CLEC12A: variants seen among roughly 807,000 people sequenced by gnomAD.
CLEC12A encodes C-type lectin protein CLL-1.
CLEC12A carries 22 observed loss-of-function variants against 26.5 expected under a neutral mutation model. The observed-to-expected ratio is 0.83, with a 90% CI of 0.59 to 1.19. The LOEUF is 1.19. Ranked by LOEUF, CLEC12A falls within the 50% of genes most tolerant of loss-of-function variation. The pLI is 0.00. For synonymous variants in CLEC12A, 119 were observed against 101.9 expected (o/e 1.17, Z -1.01); for missense variants, 353 against 315.6 (o/e 1.12, Z -0.90).
chr12:10,001,523 C>T, the CLEC12A span, among the ~76,000 whole-genome samples: 3 of 152,292 alleles, frequency 2.0e-5, no homozygotes, highest in African/African-American at 7.2e-5. Flanking sequence ...TGTGTATCCC[C>T]CCTCACATGA....
chr12:9,979,666 A>C (rs1435383108), intron 3 of CLEC12A, 142 bp downstream of exon 3: 1 of 639,900 alleles, frequency 1.6e-6, no homozygotes, highest in Non-Finnish European at 2.5e-6. Flanking sequence ...GTTGATGGAG[A>C]ATTCATTGAT....
At position 9,961,845 on chromosome 12, in the gene CLEC12A, CA is replaced by C. The variant is rs1236403618; in HGVS notation, c.11-9731del. 2.0e-5 allele frequency among the ~76,000 whole-genome samples: 3 copies of C among 152,282 alleles called. No individual in the cohort carries two copies. The South Asian group carries it at 6.2e-4, about 32-fold the overall frequency. ...TGATTTCAATAAATCTACTCTTCAC[CA>C]TTCTAATCCCTTTGCAGTGCCCTAG... On this transcript the variant is annotated intron_variant, in intron 1 of 6. Coordinates refer to the CLEC12A transcript ENST00000355690.
intron 1 of CLEC12A, among the ~76,000 whole-genome samples, chr12:9,964,037 A>G (rs1863884756): frequency 6.6e-6 from 1 of 152,226 alleles, no homozygotes; most frequent in African/African-American, 2.4e-5. Flanking sequence ...ACCCAGGGGA[A>G]TTCCAGTGGG....
downstream of CLEC12A, chr12:9,997,334 C>CAA: frequency 6.7e-7 from 1 of 1,497,756 alleles, no homozygotes. Context: ...AGAAATGATG[C>CAA]AAAGGTCTGT....
chr12:9,965,228 C>T (rs959216016), intron 1 of CLEC12A, among the ~76,000 whole-genome samples: 1 of 152,048 alleles, frequency 6.6e-6, no homozygotes, highest in East Asian at 1.9e-4. Context: ...AGGGTGCGGT[C>T]CCAGCTCTTG....
chr12:9,951,493 C>T (rs773925192), intron 1 of CLEC12A: 4 of 671,200 alleles, frequency 6.0e-6, no homozygotes, highest in East Asian at 2.7e-5. Context: ...AGTTCAGACA[C>T]TCTTGGGGCT....
downstream of CLEC12A, among the ~76,000 whole-genome samples, chr12:9,987,839 G>A (rs923967903): frequency 5.3e-5 from 8 of 150,462 alleles, no homozygotes; most frequent in East Asian, 1.9e-4. Context: ...ACAGAGTCTC[G>A]CTCTTGTCAC....
rs76568623 is a variant in CLEC12A at position 9,979,476 on chromosome 12, C to A, written c.331C>A (p.Gln111Lys). The A allele has an allele frequency of 6.2e-7, 1 of 1,613,328 alleles. No homozygotes were observed. The highest frequency in any genetic ancestry group is 2.2e-5 in the East Asian group (1 of 44,840). The change falls in exon 3 of 6, where the codon CAA (glutamine) becomes AAA (lysine). Residue 111 changes from glutamine to lysine, a missense_variant. Coordinates refer to ENST00000304361, the MANE Select transcript of CLEC12A (RefSeq NM_138337.6). Reference sequence around the variant, plus strand: ...GATCAGGAACCTCTCCACCACACTGCAAACAATAGCCACCAAATTATGTCG... The same window carrying A: ...GATCAGGAACCTCTCCACCACACTGAAAACAATAGCCACCAAATTATGTCG... ...NKIRNLSTTL[Q>K]TIATKLCREL... is the part of the protein sequence containing the mutation.
chr12:9,979,103 AG>A, intron 2 of CLEC12A, 39 bp downstream of exon 2: 6 of 1,493,110 alleles, frequency 4.0e-6, no homozygotes, highest in Non-Finnish European at 4.7e-6. Context: ...GGAAGTATCT[AG>A]AATTTCAAAT....
chr12:9,955,544 G>A (rs1863730627), intron 1 of CLEC12A, among the ~76,000 whole-genome samples: 1 of 152,186 alleles, frequency 6.6e-6, no homozygotes, highest in Admixed American at 6.5e-5. Flanking sequence ...AATGCTCTAA[G>A]TGAACTTTTT....
chr12:9,958,956 T>TA (rs1356601143), intron 1 of CLEC12A, among the ~76,000 whole-genome samples: 1 of 152,228 alleles, frequency 6.6e-6, no homozygotes, highest in Non-Finnish European at 1.5e-5. Context: ...TGAATGCACT[T>TA]ACACACAGAC....
intron 1 of CLEC12A, among the ~76,000 whole-genome samples, chr12:9,975,513 C>T (rs2137159941): frequency 6.6e-6 from 1 of 152,118 alleles, no homozygotes; most frequent in East Asian, 1.9e-4. Context: ...TTTAGGATAT[C>T]TGGCAGAAGA....
Position 9,973,295 on chromosome 12 carries a change from T to C in CLEC12A, c.91+1608T>C, listed in dbSNP as rs77611033. On this transcript the variant is annotated intron_variant, in intron 1 of 5. Coordinates refer to ENST00000304361, the MANE Select transcript of CLEC12A (RefSeq NM_138337.6). Reference sequence around the variant, plus strand: ...GGGGAAAGTAGAGATATGCCATGTCTATAAAAAAAAAATTTTTTTAATTAA... The same window carrying C: ...GGGGAAAGTAGAGATATGCCATGTCCATAAAAAAAAAATTTTTTTAATTAA... Among the ~76,000 whole-genome samples, 314 of 148,762 alleles carry C rather than the reference T, an allele frequency of 2.1e-3. 2 individuals carry two copies. Among genetic ancestry groups the C allele is most frequent in the East Asian group, 0.011 (52 of 4,764 alleles).
upstream of CLEC12A, among the ~76,000 whole-genome samples, chr12:9,968,611 G>A (rs541681736): frequency 6.6e-5 from 10 of 152,234 alleles, no homozygotes; most frequent in African/African-American, 2.4e-4. Flanking sequence ...CGCAGGAACC[G>A]GCCATCTGGA....
chr12:9,998,912 G>T, downstream of CLEC12A: 1 of 592,894 alleles, frequency 1.7e-6, no homozygotes. Flanking sequence ...AAATGCTTTA[G>T]AGCATTAACA....
chr12:9,975,111 T>C (rs1864285153), intron 1 of CLEC12A, among the ~76,000 whole-genome samples: 2 of 152,204 alleles, frequency 1.3e-5, no homozygotes, highest in Non-Finnish European at 2.9e-5. Context: ...ATTAAACCTC[T>C]TTTTACTTAT....
chr12:9,966,875 C>T (rs35276236), upstream of CLEC12A, among the ~76,000 whole-genome samples: 3,707 of 85,952 alleles, frequency 0.043, 866 homozygotes, highest in Middle Eastern at 0.065. Flanking sequence ...TGCTGCCAAA[C>T]GAGCCATGAA....
At chr12:10,003,233 TTA>T in the CLEC12A span, among the ~76,000 whole-genome samples, 2 of 152,210 alleles carry the variant, frequency 1.3e-5, no homozygotes, top group African/African-American at 2.4e-5. Context: ...AAAAGTATAA[TTA>T]ATATTTTCTC....
At chr12:9,968,610 C>T (rs572752287), upstream of CLEC12A, among the ~76,000 whole-genome samples, 10 of 152,152 alleles carry the variant, frequency 6.6e-5, no homozygotes, top group South Asian at 2.1e-4. Context: ...ACGCAGGAAC[C>T]GGCCATCTGG....
Sources: gnomAD v4.1 joint callset for allele counts (sites outside exome capture counted in the v4.1 genomes callset) on GRCh38, gnomAD v4.1.1 for gene constraint, MANE v1.5 for transcripts, NCBI Gene and HGNC (gene_info 2026-07-23, HGNC 2026-07-21) for gene names.